ITGB5: variants seen among roughly 807,000 people sequenced by gnomAD.
ITGB5 encodes the protein integrin subunit beta 5.
A neutral mutation model predicts 84.8 loss-of-function variants in ITGB5; 38 were observed. The observed-to-expected ratio is 0.45, with a 90% CI of 0.35 to 0.59. The LOEUF (loss-of-function observed/expected upper bound fraction) is 0.59, where lower values mean the gene tolerates loss of function less well. Ranked by LOEUF, ITGB5 falls within the 20% of genes least tolerant of loss-of-function variation. The pLI is 0.01. For missense variants in ITGB5, 905 were observed against 1,034.5 expected (o/e 0.87, Z 1.72); for synonymous variants, 393 against 414.4 (o/e 0.95, Z 0.63).
intron 2 of ITGB5, among the ~76,000 whole-genome samples, chr3:124,872,737 C>A (rs1475147967): frequency 6.6e-6 from 1 of 151,950 alleles, no homozygotes; most frequent in East Asian, 1.9e-4. Context: ...CATTTCCTTC[C>A]CTCCTTCCTT....
At chr3:124,900,609 A>G (rs1416479274) in intron 1 of ITGB5, among the ~76,000 whole-genome samples, 2 of 151,888 alleles carry the variant, frequency 1.3e-5, no homozygotes, top group Admixed American at 6.6e-5. Context: ...TGAGAAGAAC[A>G]CCCCCATATG....
At chr3:124,878,680 G>C (rs888929110) in intron 1 of ITGB5, 2 of 152,140 alleles carry the variant, frequency 1.3e-5, no homozygotes, top group South Asian at 4.2e-4. Flanking sequence ...AAAACCACAG[G>C]CTGTGTGCTG....
chr3:124,775,332 T>G (rs903092157), intron 10 of ITGB5, among the ~76,000 whole-genome samples: 2 of 151,700 alleles, frequency 1.3e-5, no homozygotes, highest in African/African-American at 4.8e-5. Flanking sequence ...GTATGTGTGT[T>G]GGAGTGCAAG....
At chr3:124,829,546 C>G (rs2064830336) in intron 5 of ITGB5, among the ~76,000 whole-genome samples, 1 of 152,250 alleles carries the variant, frequency 6.6e-6, no homozygotes. Context: ...AAAAGGACTT[C>G]TCCCTTCACC....
At chr3:124,851,631 A>G (rs1263727758) in intron 3 of ITGB5, among the ~76,000 whole-genome samples, 1 of 149,908 alleles carries the variant, frequency 6.7e-6, no homozygotes, top group South Asian at 2.1e-4. Flanking sequence ...ACACACACAC[A>G]CACACACACA....
chr3:124,856,556 G>A (rs997267719), intron 3 of ITGB5, among the ~76,000 whole-genome samples: 2 of 152,120 alleles, frequency 1.3e-5, no homozygotes, highest in African/African-American at 4.8e-5. Flanking sequence ...AAAATAGCAC[G>A]ATTATACATA....
At chr3:124,837,224 T>G (rs1227981161) in intron 5 of ITGB5, among the ~76,000 whole-genome samples, 2 of 152,202 alleles carry the variant, frequency 1.3e-5, no homozygotes, top group Non-Finnish European at 1.5e-5. Flanking sequence ...TGCCCTGTTT[T>G]GAGAGAAGAG....
intron 10 of ITGB5, chr3:124,791,517 C>G (rs2064150219): frequency 6.6e-6 from 1 of 152,256 alleles, no homozygotes; most frequent in African/African-American, 2.4e-5. Flanking sequence ...AAGCCTCCTA[C>G]TGATAGAGAG....
intron 5 of ITGB5, among the ~76,000 whole-genome samples, chr3:124,822,179 A>G (rs1027854052): frequency 6.6e-6 from 1 of 152,228 alleles, no homozygotes; most frequent in African/African-American, 2.4e-5. Context: ...GAAGGACTCT[A>G]CATTTTTCAT....
At chr3:124,801,415 G>T (rs773272716) in intron 9 of ITGB5, among the ~76,000 whole-genome samples, 4 of 152,148 alleles carry the variant, frequency 2.6e-5, no homozygotes, top group African/African-American at 9.7e-5. Flanking sequence ...CTCAGCCCCT[G>T]CCCTGCCACC....
chr3:124,802,332 C>T (rs1341912752), intron 9 of ITGB5, among the ~76,000 whole-genome samples: 1 of 152,218 alleles, frequency 6.6e-6, no homozygotes, highest in Non-Finnish European at 1.5e-5. Context: ...CAGTAGCACC[C>T]CTGCTTGCCA....
chr3:124,887,498 G>A, upstream of ITGB5: 1 of 184,664 alleles, frequency 5.4e-6, no homozygotes, highest in South Asian at 7.1e-5. Context: ...ACGGTGAGGC[G>A]GGGCGGGGCG....
intron 10 of ITGB5, among the ~76,000 whole-genome samples, chr3:124,793,575 T>C (rs1018993343): frequency 2.0e-5 from 3 of 152,176 alleles, no homozygotes; most frequent in African/African-American, 7.2e-5. Flanking sequence ...TGGGTGTGTT[T>C]TCCTTTTGTG....
intron 2 of ITGB5, among the ~76,000 whole-genome samples, chr3:124,864,010 G>A (rs1426740353): frequency 9.4e-6 from 1 of 106,210 alleles, no homozygotes; most frequent in Non-Finnish European, 2.1e-5. Flanking sequence ...GAGAGAGAGA[G>A]GAGAAAGAAA....
chr3:124,880,580 C>T (rs570260495), intron 1 of ITGB5, among the ~76,000 whole-genome samples: 1 of 152,214 alleles, frequency 6.6e-6, no homozygotes, highest in Admixed American at 6.5e-5. Context: ...CGCTAATGCA[C>T]TCCAACTTGG....
intron 1 of ITGB5, among the ~76,000 whole-genome samples, chr3:124,882,646 C>G (rs542627070): frequency 6.6e-6 from 1 of 152,122 alleles, no homozygotes; most frequent in African/African-American, 2.4e-5. Flanking sequence ...GGAAACCATT[C>G]GAAGGTTTTA....
intron 1 of ITGB5, among the ~76,000 whole-genome samples, chr3:124,899,853 CAAAAAAAAAAAA>C (rs60859904): frequency 2.3e-4 from 8 of 35,012 alleles, no homozygotes; most frequent in South Asian, 2.5e-3. Flanking sequence ...GACCCTGTCT[CAAAAAAAAAAAA>C]AAAAAAAAAA....
intron 5 of ITGB5, among the ~76,000 whole-genome samples, chr3:124,839,517 G>C (rs2064983792): frequency 6.6e-6 from 1 of 152,044 alleles, no homozygotes; most frequent in South Asian, 2.1e-4. Flanking sequence ...CTGTAATTGG[G>C]TTCTTTCTCC....
At chr3:124,845,187 C>A (rs561844582) in intron 4 of ITGB5, among the ~76,000 whole-genome samples, 1 of 152,342 alleles carries the variant, frequency 6.6e-6, no homozygotes, top group East Asian at 1.9e-4. Flanking sequence ...AATCTCAGCA[C>A]TTTGGGAAGC....
Sources: allele counts gnomAD v4.1 joint callset (sites outside exome capture counted in the v4.1 genomes callset), GRCh38; gene constraint gnomAD v4.1.1; transcripts MANE v1.5; gene names NCBI Gene and HGNC (gene_info 2026-07-23, HGNC 2026-07-21).